Variants in QTMAN observed in about 807,000 individuals in gnomAD.
QTMAN encodes tRNA-queuosine alpha-mannosyltransferase.
At chr2:143,988,348 G>T in the QTMAN span, among the ~76,000 whole-genome samples, 1 of 152,198 alleles carries the variant, frequency 6.6e-6, no homozygotes, top group Non-Finnish European at 1.5e-5. Context: ...ACACTATGAG[G>T]TGATCACCAA....
chr2:144,157,620 T>G, the QTMAN span, among the ~76,000 whole-genome samples: 4 of 152,018 alleles, frequency 2.6e-5, no homozygotes, highest in Non-Finnish European at 4.4e-5. Context: ...ATGAGCAGAA[T>G]GTCCAATTAT....
chr2:143,964,021 T>G, the QTMAN span: 1 of 152,110 alleles, frequency 6.6e-6, no homozygotes, highest in Non-Finnish European at 1.5e-5. Context: ...CAGCTATAAT[T>G]TGGGGAGGTT....
chr2:143,969,383 A>AG, the QTMAN span, among the ~76,000 whole-genome samples: 2 of 152,216 alleles, frequency 1.3e-5, no homozygotes, highest in African/African-American at 4.8e-5. Context: ...TCTTGAGAGC[A>AG]GGGAGTTTGC....
chr2:144,157,804 G>GTA, the QTMAN span, among the ~76,000 whole-genome samples: 2,046 of 151,768 alleles, frequency 0.013, 48 homozygotes, highest in African/African-American at 0.047. Flanking sequence ...TATGTATGGT[G>GTA]TATATATATG....
At chr2:144,090,349 T>A in the QTMAN span, among the ~76,000 whole-genome samples, 1 of 152,022 alleles carries the variant, frequency 6.6e-6, no homozygotes, top group Non-Finnish European at 1.5e-5. Context: ...AACGTGATAC[T>A]AGAGGAATTA....
chr2:144,213,434 T>C, the QTMAN span, among the ~76,000 whole-genome samples: 1 of 152,232 alleles, frequency 6.6e-6, no homozygotes, highest in Non-Finnish European at 1.5e-5. Flanking sequence ...AAATAAATTT[T>C]AGTCACACTG....
the QTMAN span, among the ~76,000 whole-genome samples, chr2:144,027,313 C>A: frequency 2.0e-5 from 3 of 152,196 alleles, no homozygotes; most frequent in African/African-American, 7.2e-5. Flanking sequence ...GTTGTCACAT[C>A]GGGTTTTACT....
At chr2:144,203,190 T>TGTGC in the QTMAN span, among the ~76,000 whole-genome samples, 298 of 140,940 alleles carry the variant, frequency 2.1e-3, no homozygotes, top group Non-Finnish European at 3.7e-3. Flanking sequence ...TGTGTGTGTG[T>TGTGC]GCACGTGCGC....
At chr2:144,267,522 T>A in the QTMAN span, among the ~76,000 whole-genome samples, 1 of 152,110 alleles carries the variant, frequency 6.6e-6, no homozygotes, top group Non-Finnish European at 1.5e-5. Flanking sequence ...AAAGCCAGAT[T>A]GCAAGGAGTT....
chr2:144,276,760 T>A, the QTMAN span, among the ~76,000 whole-genome samples: 1 of 152,172 alleles, frequency 6.6e-6, no homozygotes, highest in East Asian at 1.9e-4. Flanking sequence ...AGGGATTAAC[T>A]GCAATGGTCT....
At chr2:144,241,877 A>G in the QTMAN span, among the ~76,000 whole-genome samples, 2 of 152,330 alleles carry the variant, frequency 1.3e-5, no homozygotes, top group Admixed American at 1.3e-4. Flanking sequence ...AAAGAAAGAA[A>G]TCATAGTAAC....
At chr2:144,130,382 G>T in the QTMAN span, among the ~76,000 whole-genome samples, 1 of 151,864 alleles carries the variant, frequency 6.6e-6, no homozygotes, top group Non-Finnish European at 1.5e-5. Context: ...GTACAGCATA[G>T]TAAGGTAGTT....
chr2:144,170,414 C>T, the QTMAN span, among the ~76,000 whole-genome samples: 2 of 152,150 alleles, frequency 1.3e-5, no homozygotes, highest in African/African-American at 2.4e-5. Context: ...TCCCCTTGGT[C>T]TCCAAGGCCC....
chr2:143,986,918 G>T, the QTMAN span, among the ~76,000 whole-genome samples: 4 of 152,278 alleles, frequency 2.6e-5, no homozygotes, highest in East Asian at 7.7e-4. Flanking sequence ...TATATGGAGG[G>T]TAAGAATTGT....
chr2:143,962,188 C>A, the QTMAN span, among the ~76,000 whole-genome samples: 3 of 152,046 alleles, frequency 2.0e-5, no homozygotes. Flanking sequence ...CAGTGTGATA[C>A]ATGCTTTGCA....
the QTMAN span, among the ~76,000 whole-genome samples, chr2:144,289,150 C>CA: frequency 6.6e-6 from 1 of 151,680 alleles, no homozygotes; most frequent in African/African-American, 2.4e-5. Context: ...TCTCCTGCCT[C>CA]AGCCTCCTGA....
the QTMAN span, among the ~76,000 whole-genome samples, chr2:144,196,133 A>C: frequency 6.6e-6 from 1 of 151,970 alleles, no homozygotes; most frequent in African/African-American, 2.4e-5. Context: ...AATGATACAA[A>C]ATGAAAGCTA....
the QTMAN span, among the ~76,000 whole-genome samples, chr2:144,229,030 T>C: frequency 6.6e-6 from 1 of 152,172 alleles, no homozygotes; most frequent in South Asian, 2.1e-4. Flanking sequence ...CACATACACT[T>C]GAAATCAATG....
the QTMAN span, among the ~76,000 whole-genome samples, chr2:144,225,633 CCT>C: frequency 6.6e-6 from 1 of 152,162 alleles, no homozygotes; most frequent in Non-Finnish European, 1.5e-5. Flanking sequence ...TGCTGTTTCT[CCT>C]CTCTGAAACC....
Sources: allele counts gnomAD v4.1 joint callset (sites outside exome capture counted in the v4.1 genomes callset), GRCh38; gene constraint gnomAD v4.1.1; transcripts MANE v1.5; gene names NCBI Gene and HGNC (gene_info 2026-07-23, HGNC 2026-07-21).